SBF2: variants seen among roughly 807,000 people sequenced by gnomAD.
SBF2 encodes the protein myotubularin-related protein 13.
A neutral mutation model predicts 225.2 loss-of-function variants in SBF2; 112 were observed. The observed-to-expected ratio is 0.50, with a 90% confidence interval of 0.43 to 0.58. The LOEUF (loss-of-function observed/expected upper bound fraction) is 0.58, where lower values mean the gene tolerates loss of function less well. Ranked by LOEUF, SBF2 falls within the 20% of genes least tolerant of loss-of-function variation. SBF2 has a pLI of 0.00. For synonymous variants in SBF2, 763 were observed against 773.3 expected, an observed-to-expected ratio of 0.99 and a Z score of 0.22; for missense variants, 1,996 against 2,206.2, an observed-to-expected ratio of 0.90 and a Z score of 1.91.
chr11:10,187,684 A>G (rs902264129), intron 2 of SBF2, among the ~76,000 whole-genome samples: 3 of 151,844 alleles, frequency 2.0e-5, no homozygotes, highest in Non-Finnish European at 4.4e-5. Context: ...TTACAAGACC[A>G]CATTTTGAAA....
At chr11:10,099,567 C>T (rs927921422) in intron 2 of SBF2, among the ~76,000 whole-genome samples, 1 of 152,128 alleles carries the variant, frequency 6.6e-6, no homozygotes, top group Non-Finnish European at 1.5e-5. Context: ...GAATATTACA[C>T]TATAACGATG....
chr11:9,983,160 G>A (rs1947031383), intron 13 of SBF2, among the ~76,000 whole-genome samples: 1 of 152,232 alleles, frequency 6.6e-6, no homozygotes, highest in African/African-American at 2.4e-5. Context: ...CTGGGAGGCG[G>A]ATAGCCTCGG....
At chr11:10,156,487 C>A (rs575476048) in intron 2 of SBF2, among the ~76,000 whole-genome samples, 1 of 152,334 alleles carries the variant, frequency 6.6e-6, no homozygotes, top group East Asian at 1.9e-4. Flanking sequence ...AGCCTGGGGT[C>A]CAGGCCATCC....
chr11:9,886,699 G>GTTTTTTTTTTTTTTTTTTTTTTTT (rs61240594), intron 17 of SBF2, among the ~76,000 whole-genome samples: 1 of 133,740 alleles, frequency 7.5e-6, no homozygotes, highest in African/African-American at 2.8e-5. Context: ...TGATTCATGT[G>GTTTTTTTTTTTTTTTTTTTTTTTT]TTTTTTTTTT....
intron 14 of SBF2, among the ~76,000 whole-genome samples, chr11:9,967,961 CTCTCTCTCTCTA>C (rs1392696727): frequency 1.2e-4 from 15 of 128,020 alleles, no homozygotes; most frequent in South Asian, 5.1e-4. Flanking sequence ...CTCTCTCTCT[CTCTCTCTCTCTA>C]TATATATATA....
chr11:9,858,330 G>C lies in SBF2; in HGVS notation c.1996C>G (p.Gln666Glu), dbSNP rs1857469917. ...TAAAAGGTTGTCTCCCAAAATTGCTGATTTGTCCAAATGGGGTGGTCTTGT... is the reference window on the plus strand; with the variant it reads ...TAAAAGGTTGTCTCCCAAAATTGCTCATTTGTCCAAATGGGGTGGTCTTGT... The part of the protein sequence containing the change: ...CVQDHPIWTN[Q>E]QFWETTFYNA... The change falls in exon 18 of 40, where the codon CAG becomes GAG. Residue 666 changes from glutamine to glutamate, a missense_variant. By Grantham distance (29) the Gln-to-Glu change is conservative. Coordinates refer to ENST00000256190, the MANE Select transcript of SBF2 (RefSeq NM_030962.4). 2 of 1,614,184 alleles carry C rather than the reference G, an allele frequency of 1.2e-6. No individual in the cohort carries two copies. The highest frequency in any genetic ancestry group is 8.5e-7 in the Non-Finnish European group (1 of 1,180,014).
intron 1 of SBF2, among the ~76,000 whole-genome samples, chr11:10,206,568 T>A (rs1001308977): frequency 1.3e-5 from 2 of 152,096 alleles, no homozygotes; most frequent in African/African-American, 4.8e-5. Context: ...GCAAAGATTT[T>A]AAAGCAGCTA....
chr11:10,160,522 C>T (rs1055885209), intron 2 of SBF2, among the ~76,000 whole-genome samples: 4 of 152,104 alleles, frequency 2.6e-5, no homozygotes, highest in South Asian at 2.1e-4. Context: ...AGAGGAATTA[C>T]GGCAGTACAT....
intron 12 of SBF2, among the ~76,000 whole-genome samples, chr11:9,990,310 AAG>A (rs1469689791): frequency 6.6e-6 from 1 of 152,200 alleles, no homozygotes; most frequent in East Asian, 1.9e-4. Context: ...AGGATAAAGA[AAG>A]ACTGTCAAGG....
At chr11:9,791,872 A>G (rs575535787) in intron 33 of SBF2, among the ~76,000 whole-genome samples, 50 of 152,342 alleles carry the variant, frequency 3.3e-4, no homozygotes, top group African/African-American at 1.2e-3. Flanking sequence ...GAGGAGATGC[A>G]ATACATGGCC....
intron 3 of SBF2, among the ~76,000 whole-genome samples, chr11:10,039,487 C>G (rs1002239793): frequency 6.6e-6 from 1 of 151,806 alleles, no homozygotes; most frequent in South Asian, 2.1e-4. Context: ...ATCCGGAATT[C>G]TCACAACCTA....
intron 16 of SBF2, among the ~76,000 whole-genome samples, chr11:9,920,007 C>T (rs991665725): frequency 2.6e-5 from 4 of 152,040 alleles, no homozygotes; most frequent in Admixed American, 1.3e-4. Flanking sequence ...GCTGGGATTA[C>T]AGGTGTGAGC....
chr11:9,887,185 G>A (rs1860403124), intron 17 of SBF2, among the ~76,000 whole-genome samples: 2 of 151,452 alleles, frequency 1.3e-5, no homozygotes, highest in Non-Finnish European at 2.9e-5. Flanking sequence ...AAAAAAAGTT[G>A]ATAAGTTCAG....
chr11:10,185,295 T>A (rs1956893428), intron 2 of SBF2, among the ~76,000 whole-genome samples: 2 of 152,200 alleles, frequency 1.3e-5, no homozygotes, highest in African/African-American at 4.8e-5. Context: ...AGTGAAATTG[T>A]TAGGTCATAT....
chr11:10,084,978 G>C (rs1951508421), intron 2 of SBF2, among the ~76,000 whole-genome samples: 2 of 152,002 alleles, frequency 1.3e-5, no homozygotes, highest in South Asian at 4.1e-4. Flanking sequence ...TTGTTAATGG[G>C]TGCAATATAT....
At chr11:9,939,030 A>G (rs541990203) in intron 16 of SBF2, among the ~76,000 whole-genome samples, 1 of 152,172 alleles carries the variant, frequency 6.6e-6, no homozygotes, top group Admixed American at 6.5e-5. Flanking sequence ...AGTATACATA[A>G]GCAAGTCAAA....
chr11:9,880,379 T>C, intron 17 of SBF2, among the ~76,000 whole-genome samples: 1 of 152,222 alleles, frequency 6.6e-6, no homozygotes, highest in Non-Finnish European at 1.5e-5. Flanking sequence ...CCTAAAGATG[T>C]GGTAGCAATG....
chr11:10,007,789 C>T (rs1445972646), intron 6 of SBF2, among the ~76,000 whole-genome samples: 3 of 152,206 alleles, frequency 2.0e-5, no homozygotes, highest in African/African-American at 7.2e-5. Context: ...GGACACCACC[C>T]TCTTAGGTCA....
At chr11:10,107,730 C>A (rs1952613710) in intron 2 of SBF2, among the ~76,000 whole-genome samples, 1 of 152,192 alleles carries the variant, frequency 6.6e-6, no homozygotes, top group Non-Finnish European at 1.5e-5. Flanking sequence ...TTTATGTCTC[C>A]TCCCCTCTCT....
Sources: allele counts gnomAD v4.1 joint callset (sites outside exome capture counted in the v4.1 genomes callset), GRCh38; gene constraint gnomAD v4.1.1; transcripts MANE v1.5; gene names NCBI Gene and HGNC (gene_info 2026-07-23, HGNC 2026-07-21).